C1GALT1: variants seen among roughly 807,000 people sequenced by gnomAD.
C1GALT1 encodes glycoprotein-N-acetylgalactosamine 3-beta-galactosyltransferase 1.
C1GALT1 carries 11 observed loss-of-function variants against 31.0 expected under a neutral mutation model. The ratio of observed to expected loss-of-function variants is 0.36; its 90% CI spans 0.22 to 0.59. C1GALT1 has a LOEUF of 0.59. C1GALT1 is among the 20% of genes least tolerant of loss of function. C1GALT1 has a pLI of 0.79. For synonymous variants in C1GALT1, 175 were observed against 143.6 expected, an observed-to-expected ratio of 1.22 and a Z score of -1.56; for missense variants, 424 against 425.2, an observed-to-expected ratio of 1.00 and a Z score of 0.03.
intron 2 of C1GALT1, among the ~76,000 whole-genome samples, chr7:7,158,381 T>G (rs1780296426): frequency 6.6e-6 from 1 of 152,032 alleles, no homozygotes; most frequent in Admixed American, 6.6e-5. Context: ...GAAAAATAAG[T>G]CTCCAAGAAG....
At chr7:7,196,943 C>A (rs970319132) in intron 1 of C1GALT1, among the ~76,000 whole-genome samples, 10 of 151,986 alleles carry the variant, frequency 6.6e-5, no homozygotes, top group Admixed American at 2.0e-4. Context: ...TGGATATTAG[C>A]CCTTTATCAG....
At chr7:7,214,758 T>G (rs553021608) in intron 1 of C1GALT1, among the ~76,000 whole-genome samples, 1 of 152,164 alleles carries the variant, frequency 6.6e-6, no homozygotes, top group Non-Finnish European at 1.5e-5. Context: ...CCGAACAAAC[T>G]TTCGGAGAAG....
At chr7:7,161,636 A>T in intron 2 of C1GALT1, among the ~76,000 whole-genome samples, 1 of 152,082 alleles carries the variant, frequency 6.6e-6, no homozygotes, top group Admixed American at 6.6e-5. Flanking sequence ...TCTTCCTTTT[A>T]CAAAGTTGAG....
intron 1 of C1GALT1, chr7:7,209,298 C>G (rs950680452): frequency 2.6e-5 from 4 of 152,140 alleles, no homozygotes; most frequent in Admixed American, 2.6e-4. Context: ...AAATGGCAGC[C>G]TTAAGTGAAT....
chr7:7,214,392 TGAG>T, intron 1 of C1GALT1, among the ~76,000 whole-genome samples: 1 of 152,160 alleles, frequency 6.6e-6, no homozygotes, highest in East Asian at 1.9e-4. Context: ...TTCAGTCGAC[TGAG>T]GAGAGCCTTT....
intron 3 of C1GALT1, among the ~76,000 whole-genome samples, chr7:7,243,089 G>A (rs746302105): frequency 7.2e-5 from 11 of 152,064 alleles, no homozygotes; most frequent in Non-Finnish European, 1.6e-4. Context: ...CACCTAATGG[G>A]CAAGGCTTTG....
At chr7:7,225,325 A>C (rs1782711693) in intron 1 of C1GALT1, among the ~76,000 whole-genome samples, 1 of 152,146 alleles carries the variant, frequency 6.6e-6, no homozygotes, top group Non-Finnish European at 1.5e-5. Context: ...CTGTGTCATT[A>C]GCAAAACTAA....
At chr7:7,177,977 G>T, upstream of C1GALT1, 1 of 217,492 alleles carries the variant, frequency 4.6e-6, no homozygotes, top group South Asian at 8.0e-5. Context: ...GATAAAACTG[G>T]GGGCACTGAA....
At chr7:7,205,967 T>A (rs932750639) in intron 1 of C1GALT1, among the ~76,000 whole-genome samples, 13 of 152,344 alleles carry the variant, frequency 8.5e-5, no homozygotes, top group African/African-American at 3.1e-4. Context: ...TATTTTGTCC[T>A]TATTTCCTGC....
chr7:7,160,027 C>T (rs1001833868), intron 2 of C1GALT1, among the ~76,000 whole-genome samples: 2 of 152,124 alleles, frequency 1.3e-5, no homozygotes, highest in African/African-American at 4.8e-5. Context: ...CTTCAAAGAT[C>T]AATGGCAGCA....
intron 1 of C1GALT1, chr7:7,183,495 C>G: frequency 1.5e-6 from 1 of 682,486 alleles, no homozygotes; most frequent in South Asian, 6.6e-5. Context: ...GGAAGAAAGG[C>G]ATTAAATTTT....
intron 1 of C1GALT1, among the ~76,000 whole-genome samples, chr7:7,221,074 CTGGGTATCAT>C (rs1782491673): frequency 6.6e-6 from 1 of 152,088 alleles, no homozygotes; most frequent in Non-Finnish European, 1.5e-5. Flanking sequence ...ATTTACTGTG[CTGGGTATCAT>C]TGGATCCTTT....
chr7:7,207,425 TC>T (rs1488150841), intron 1 of C1GALT1, among the ~76,000 whole-genome samples: 5 of 131,688 alleles, frequency 3.8e-5, no homozygotes, highest in Non-Finnish European at 7.9e-5. Context: ...AATCCTCCCA[TC>T]CCAGCTTCCT....
chr7:7,168,247 G>A (rs866313512), intron 2 of C1GALT1, among the ~76,000 whole-genome samples: 13 of 152,222 alleles, frequency 8.5e-5, no homozygotes, highest in African/African-American at 3.1e-4. Flanking sequence ...GAAGAGGAGG[G>A]AGGGGCTGGT....
At chr7:7,240,757 C>A (rs1783588758) in intron 3 of C1GALT1, among the ~76,000 whole-genome samples, 1 of 152,060 alleles carries the variant, frequency 6.6e-6, no homozygotes, top group Non-Finnish European at 1.5e-5. Flanking sequence ...TCTGACATTG[C>A]CTGTTCTCCC....
chr7:7,224,629 T>C lies in C1GALT1; in HGVS notation c.-17-9674T>C, dbSNP rs953065711. Among the ~76,000 whole-genome samples, 8 of 152,028 alleles carry C rather than the reference T, an allele frequency of 5.3e-5. No individual in the cohort carries two copies. The South Asian group carries it at 1.7e-3, about 32-fold the overall frequency. ...ACTTGTCAAATTTATACGTGTAGAG[T>C]TGTTTGTAGTATTCCCTTATTATCC... is the stretch of plus-strand genomic sequence containing the variant. On this transcript the variant is annotated intron_variant, in intron 1 of 3. Transcript: ENST00000436587.
intron 1 of C1GALT1, among the ~76,000 whole-genome samples, chr7:7,229,248 G>A (rs530283965): frequency 3.2e-4 from 48 of 152,218 alleles, no homozygotes; most frequent in Middle Eastern, 3.4e-3. Flanking sequence ...ATGGTATTAA[G>A]GCAAAATCAC....
intron 2 of C1GALT1, among the ~76,000 whole-genome samples, chr7:7,176,992 A>G (rs577935297): frequency 8.5e-5 from 13 of 152,326 alleles, no homozygotes; most frequent in Non-Finnish European, 1.6e-4. Flanking sequence ...AGGTGCAAGA[A>G]GCTCTGTCCC....
intron 2 of C1GALT1, among the ~76,000 whole-genome samples, chr7:7,163,190 C>T (rs1239918383): frequency 6.6e-6 from 1 of 152,150 alleles, no homozygotes; most frequent in Non-Finnish European, 1.5e-5. Context: ...AGTCCTTGCC[C>T]GTTCCTATGT....
Sources: allele counts gnomAD v4.1 joint callset (sites outside exome capture counted in the v4.1 genomes callset), GRCh38; gene constraint gnomAD v4.1.1; transcripts MANE v1.5; gene names NCBI Gene and HGNC (gene_info 2026-07-23, HGNC 2026-07-21).